Variants in F2RL1 observed in about 807,000 individuals in gnomAD.
The protein encoded by F2RL1 is proteinase-activated receptor 2.
F2RL1 carries 16 observed loss-of-function variants against 21.7 expected under a neutral mutation model. The ratio of observed to expected loss-of-function variants is 0.74; its 90% CI spans 0.50 to 1.12. F2RL1 has a LOEUF of 1.12. Ranked by LOEUF, F2RL1 falls within the 50% of genes most tolerant of loss-of-function variation. F2RL1 has a pLI of 0.00. For missense variants in F2RL1, 432 were observed against 477.8 expected, an observed-to-expected ratio of 0.90 and a Z score of 0.89; for synonymous variants, 181 against 186.7, an observed-to-expected ratio of 0.97 and a Z score of 0.25.
At position 76,823,790 on chromosome 5, in the gene F2RL1, C is replaced by G. The variant is rs114164641; in HGVS notation, c.82+4526C>G. 9.1e-3 allele frequency among the ~76,000 whole-genome samples: 1,357 copies of G among 148,948 alleles called. 5 individuals carry two copies. Among genetic ancestry groups the G allele is most frequent in the Non-Finnish European group, 0.015 (1,041 of 67,412 alleles). ...CTTTTTTACCTAATCGATTCATAGT[C>G]AGTTTATAGAAATCTGTACAAACTT... On this transcript the variant is annotated intron_variant, in intron 1 of 1. Coordinates refer to ENST00000296677, the MANE Select transcript of F2RL1 (RefSeq NM_005242.6).
At chr5:76,832,653 A>T (rs1750369229) in intron 1 of F2RL1, 37 bp from the exon 2 acceptor site, 1 of 1,529,702 alleles carries the variant, frequency 6.5e-7, no homozygotes, top group Admixed American at 2.1e-5. Flanking sequence ...TGAAACATTT[A>T]TTTCTGTAAT....
chr5:76,822,363 G>T (rs2243012), intron 1 of F2RL1, among the ~76,000 whole-genome samples: 1,829 of 152,106 alleles, frequency 0.012, 49 homozygotes, highest in African/African-American at 0.042. Flanking sequence ...GACTACAGGC[G>T]CACACCACCA....
chr5:76,832,831 CTGTCTTCCTTCCAAT>C lies in F2RL1; in HGVS notation c.230_244del (p.Phe77_Val81del), dbSNP rs1561212494. On this transcript the variant is annotated inframe_deletion, in exon 2 of 2. Coordinates refer to ENST00000296677, the MANE Select transcript of F2RL1 (RefSeq NM_005242.6). ...TCTGTCCTCACTGGAAAACTGACCACTGTCTTCCTTCCAATTGTCTACACAATTGTGTTTGTGGTG... is the reference window on the plus strand; with the variant it reads ...TCTGTCCTCACTGGAAAACTGACCACTGTCTACACAATTGTGTTTGTGGTG... 6.2e-7 allele frequency: 1 copy of C among 1,614,230 alleles called. No individual in the cohort carries two copies. The highest frequency in any genetic ancestry group is 2.2e-5 in the East Asian group (1 of 44,882).
At chr5:76,822,902 G>C (rs1413939645) in intron 1 of F2RL1, among the ~76,000 whole-genome samples, 14 of 151,968 alleles carry the variant, frequency 9.2e-5, no homozygotes. Flanking sequence ...GGGGAGGTTG[G>C]GCCACAAGAG....
intron 1 of F2RL1, among the ~76,000 whole-genome samples, chr5:76,830,155 GCTGGCATTTC>G (rs1442225151): frequency 6.6e-6 from 1 of 152,182 alleles, no homozygotes; most frequent in Non-Finnish European, 1.5e-5. Flanking sequence ...TGCAGTGGCT[GCTGGCATTTC>G]TTGGCATTCT....
At chr5:76,819,905 A>G (rs1418303758) in intron 1 of F2RL1, among the ~76,000 whole-genome samples, 1 of 152,176 alleles carries the variant, frequency 6.6e-6, no homozygotes, top group African/African-American at 2.4e-5. Context: ...GGCCCGGGGT[A>G]TGAAAGTCAG....
rs747358596 is a variant in F2RL1, at chr5:76,832,695, A to G, written c.88A>G (p.Ser30Gly). Residue 30 changes from serine to glycine, a missense_variant, in exon 2 of 2, where the codon AGT becomes GGT. By Grantham distance (56) the Ser-to-Gly change is moderately conservative. Transcript: ENST00000296677. ...LSCSGTIQGT[S>G]RSSKGRSLIG... ...TGTCTTCCTTTCTTGTACAGGAACC[A>G]GTAGATCCTCTAAAGGAAGAAGCCT... 34 of 1,603,424 alleles carry G rather than the reference A, an allele frequency of 2.1e-5. No homozygotes were observed. The highest frequency in any genetic ancestry group is 1.9e-4 in the Admixed American group (11 of 59,042).
intron 1 of F2RL1, among the ~76,000 whole-genome samples, chr5:76,821,021 T>G (rs1750122182): frequency 6.6e-6 from 1 of 152,088 alleles, no homozygotes; most frequent in Admixed American, 6.5e-5. Flanking sequence ...GGGTGGGTCT[T>G]TGCTCACTCG....
intron 1 of F2RL1, among the ~76,000 whole-genome samples, chr5:76,829,760 T>C (rs143714712): frequency 8.9e-4 from 136 of 152,326 alleles, no homozygotes; most frequent in African/African-American, 3.1e-3. Context: ...GCACCCTATG[T>C]AATAAGAATA....
At chr5:76,821,468 A>AAG (rs1750134945) in intron 1 of F2RL1, among the ~76,000 whole-genome samples, 8 of 150,776 alleles carry the variant, frequency 5.3e-5, no homozygotes, top group African/African-American at 2.0e-4. Context: ...TCTGCCACTT[A>AAG]CTTATTTTTT....
intron 1 of F2RL1, among the ~76,000 whole-genome samples, chr5:76,832,161 C>T (rs550183076): frequency 2.7e-5 from 4 of 150,070 alleles, no homozygotes; most frequent in South Asian, 2.1e-4. Context: ...TACAACTCCC[C>T]GATACAAAAA....
chr5:76,823,787 A>T (rs1369971432), intron 1 of F2RL1, among the ~76,000 whole-genome samples: 2 of 149,294 alleles, frequency 1.3e-5, no homozygotes, highest in African/African-American at 4.9e-5. Context: ...ATCGATTCAT[A>T]GTCAGTTTAT....
chr5:76,821,307 C>T (rs1010836175), intron 1 of F2RL1, among the ~76,000 whole-genome samples: 1 of 152,166 alleles, frequency 6.6e-6, no homozygotes, highest in African/African-American at 2.4e-5. Context: ...TCGTTAACTC[C>T]TGGAGGCAGG....
At chr5:76,827,019 T>C (rs1440829539) in intron 1 of F2RL1, among the ~76,000 whole-genome samples, 2 of 151,916 alleles carry the variant, frequency 1.3e-5, no homozygotes, top group Non-Finnish European at 2.9e-5. Flanking sequence ...CTGGCTAATT[T>C]TGTAAAATGT....
At chr5:76,823,155 G>A (rs1000459569) in intron 1 of F2RL1, among the ~76,000 whole-genome samples, 6 of 151,884 alleles carry the variant, frequency 4.0e-5, no homozygotes, top group African/African-American at 1.2e-4. Context: ...GCGTGAACCC[G>A]GGAGGTCGAG....
At chr5:76,831,150 G>T (rs1297679427) in intron 1 of F2RL1, among the ~76,000 whole-genome samples, 4 of 152,036 alleles carry the variant, frequency 2.6e-5, no homozygotes, top group Admixed American at 2.0e-4. Flanking sequence ...TATAAGAGAG[G>T]GATAATAAGT....
intron 1 of F2RL1, among the ~76,000 whole-genome samples, chr5:76,820,432 CT>C (rs1176464541): frequency 2.6e-5 from 4 of 152,130 alleles, no homozygotes; most frequent in African/African-American, 9.7e-5. Context: ...GAATGTGATT[CT>C]TTTCCCTCTG....
intron 1 of F2RL1, among the ~76,000 whole-genome samples, chr5:76,832,023 T>A (rs961964589): frequency 1.3e-3 from 196 of 149,032 alleles, no homozygotes; most frequent in African/African-American, 4.3e-3. Context: ...AAAAAAAAAA[T>A]AATAAGTAAA....
chr5:76,830,408 G>A (rs751392019), intron 1 of F2RL1, among the ~76,000 whole-genome samples: 4 of 152,178 alleles, frequency 2.6e-5, no homozygotes, highest in Non-Finnish European at 4.4e-5. Context: ...CTCCCAAGTA[G>A]CTAGAACTAC....
Sources: gnomAD v4.1 joint callset for allele counts (sites outside exome capture counted in the v4.1 genomes callset) on GRCh38, gnomAD v4.1.1 for gene constraint, MANE v1.5 for transcripts, NCBI Gene and HGNC (gene_info 2026-07-23, HGNC 2026-07-21) for gene names.